Variants in MESD observed in about 807,000 individuals in gnomAD.
MESD encodes the protein LRP chaperone MESD.
In MESD, 7 loss-of-function variants were observed where a neutral mutation model predicts 12.9. The ratio of observed to expected loss-of-function variants is 0.54; its 90% CI spans 0.31 to 1.02. MESD has a LOEUF of 1.02. Among genes scored for constraint, MESD ranks in the 50% least tolerant of loss-of-function variants. The pLI is 0.05. For synonymous variants in MESD, 126 were observed against 115.6 expected (o/e 1.09, Z -0.58); for missense variants, 342 against 296.7 (o/e 1.15, Z -1.12).
chr15:80,971,939 G>A (rs1249416939), downstream of MESD, among the ~76,000 whole-genome samples: 1 of 144,582 alleles, frequency 6.9e-6, no homozygotes, highest in African/African-American at 2.6e-5. Flanking sequence ...AACAGAGTGA[G>A]ATTCTGTCTC....
chr15:80,981,954 G>A lies in MESD; in HGVS notation c.442C>T (p.Gln148Ter), dbSNP rs1008082002. ...AGCTGGTTGTTGCTGCTTTACCTCT[G>A]GACGTCATAGTTGGCATTGAAAAGG... ...GSLFNANYDV[Q>*]RFIVGSDRAI... Residue 148 changes from glutamine to a stop codon, truncating the protein, a stop_gained, in exon 2 of 3, where the codon CAG becomes TAG. Transcript: ENST00000261758. LOFTEE classifies it high-confidence loss of function. 4.3e-6 allele frequency: 7 copies of A among 1,610,158 alleles called. No individual in the cohort carries two copies. The highest frequency in any genetic ancestry group is 1.3e-5 in the African/African-American group (1 of 74,806).
intron 3 of MESD, among the ~76,000 whole-genome samples, chr15:80,955,616 C>CGTGT (rs536028552): frequency 1.4e-3 from 201 of 144,960 alleles, no homozygotes; most frequent in African/African-American, 2.7e-3. Flanking sequence ...TGTGTTTGTG[C>CGTGT]GTGTGTGTGT....
intron 1 of MESD, among the ~76,000 whole-genome samples, chr15:80,987,663 AT>A (rs1214716157): frequency 6.6e-6 from 1 of 151,918 alleles, no homozygotes; most frequent in African/African-American, 2.4e-5. Context: ...TAATTTTTTT[AT>A]TTTTAGTAGA....
intron 3 of MESD, among the ~76,000 whole-genome samples, chr15:80,959,645 C>A (rs1415784909): frequency 6.6e-6 from 1 of 152,154 alleles, no homozygotes; most frequent in East Asian, 1.9e-4. Flanking sequence ...CCTCTTTCTA[C>A]CATAACATAA....
intron 3 of MESD, among the ~76,000 whole-genome samples, chr15:80,958,828 C>T (rs1902034082): frequency 6.6e-6 from 1 of 152,114 alleles, no homozygotes; most frequent in African/African-American, 2.4e-5. Flanking sequence ...TATGGAATGG[C>T]AATTGTTGAG....
intron 4 of MESD, chr15:80,950,008 T>C (rs779720208): frequency 4.6e-5 from 7 of 151,954 alleles, no homozygotes; most frequent in Non-Finnish European, 1.0e-4. Context: ...CTTTGCTGCT[T>C]ATGAGCACAG....
At chr15:80,987,298 C>A (rs1902757895) in intron 1 of MESD, among the ~76,000 whole-genome samples, 1 of 152,164 alleles carries the variant, frequency 6.6e-6, no homozygotes, top group African/African-American at 2.4e-5. Flanking sequence ...AAAGCACCCA[C>A]AGAGATGGAT....
At chr15:80,952,547 GTTC>G (rs535725777) in intron 3 of MESD, among the ~76,000 whole-genome samples, 221 of 152,202 alleles carry the variant, frequency 1.5e-3, no homozygotes, top group Middle Eastern at 3.4e-3. Context: ...ACCACAGAGA[GTTC>G]TTCTCTTGAT....
rs1473845721 is a variant in MESD at position 80,989,720 on chromosome 15, T to G, written c.72A>C (p.Leu24=). The change falls in exon 1 of 3, where the codon CTA becomes CTC. Residue 24 remains leucine (L), a synonymous_variant. Coordinates refer to ENST00000261758, the MANE Select transcript of MESD (RefSeq NM_015154.3). ...LCASDLLLLL[L]LLPPPGSCAA... is the part of the protein sequence containing the mutation. ...CGCAGGACCCAGGCGGTGGTAGCAG[T>G]AGCAGCAGCAGCAGCAGGTCAGAGG... The G allele has an allele frequency of 1.9e-6, 3 of 1,608,160 alleles. No individual in the cohort carries two copies. The highest frequency in any genetic ancestry group is 1.3e-5 in the African/African-American group (1 of 74,824).
At chr15:80,973,476 T>C (rs959879307), downstream of MESD, among the ~76,000 whole-genome samples, 6 of 152,088 alleles carry the variant, frequency 3.9e-5, no homozygotes, top group African/African-American at 1.4e-4. Flanking sequence ...GAGGTCAAGG[T>C]TGCAGTGAGC....
chr15:80,952,673 T>G (rs1367165021), intron 3 of MESD, among the ~76,000 whole-genome samples: 1 of 152,168 alleles, frequency 6.6e-6, no homozygotes, highest in African/African-American at 2.4e-5. Context: ...TGTGCATCTG[T>G]GTATAGTCAA....
downstream of MESD, chr15:80,946,848 C>T (rs1901576680): frequency 2.7e-6 from 2 of 731,262 alleles, no homozygotes; most frequent in Non-Finnish European, 5.0e-6. Context: ...AATCCCTGGA[C>T]AGGCCTCTGG....
At chr15:80,983,265 A>G (rs1902634694) in intron 1 of MESD, among the ~76,000 whole-genome samples, 1 of 152,000 alleles carries the variant, frequency 6.6e-6, no homozygotes, top group African/African-American at 2.4e-5. Context: ...AAAAAAGAAA[A>G]GAAATACTCC....
chr15:80,987,689 A>G (rs1902771854), intron 1 of MESD, among the ~76,000 whole-genome samples: 1 of 152,118 alleles, frequency 6.6e-6, no homozygotes, highest in South Asian at 2.1e-4. Flanking sequence ...GAGTTTCACC[A>G]TGTTGGCCAG....
Position 80,982,094 on chromosome 15 carries a change from G to A in MESD, c.302C>T (p.Pro101Leu), listed in dbSNP as rs1902596347. The A allele has an allele frequency of 1.2e-6, 2 of 1,613,932 alleles. No homozygotes were observed. The highest frequency in any genetic ancestry group is 1.7e-5 in the Admixed American group (1 of 59,982). ...TTTCGTCATTTTCAATATGCTTTCA[G>A]GCTTGCTTGGGTCTATCTTTGAGAA... Reference protein sequence around the residue: ...VDFSKIDPSKPESILKMTKKG... With the variant: ...VDFSKIDPSKLESILKMTKKG... The change falls in exon 2 of 3, where the codon CCT (proline) becomes CTT (leucine). Residue 101 changes from proline to leucine, a missense_variant. Coordinates refer to ENST00000261758, the MANE Select transcript of MESD (RefSeq NM_015154.3).
chr15:80,980,254 C>T (rs1349471572), intron 2 of MESD, among the ~76,000 whole-genome samples: 2 of 152,090 alleles, frequency 1.3e-5, no homozygotes, highest in African/African-American at 4.8e-5. Context: ...TTTTGCTGGC[C>T]GGACACTCTC....
At position 80,979,196 on chromosome 15, in the gene MESD, C is replaced by T. The variant is rs542215326; in HGVS notation, c.*23G>A. 1.9e-6 allele frequency: 3 copies of T among 1,603,990 alleles called. No homozygotes were observed. The highest frequency in any genetic ancestry group is 4.5e-5 in the East Asian group (2 of 44,848). On this transcript the variant is annotated 3_prime_UTR_variant, in exon 3 of 3. Transcript: ENST00000261758. ...AGCTCTCCACGTCCACCTGTCCCCC[C>T]ACAGCGCGTCACTGCTGCCCCATCA...
chr15:80,948,919 T>C, intron 4 of MESD: 1 of 1,614,124 alleles, frequency 6.2e-7, no homozygotes, highest in Non-Finnish European at 8.5e-7. Flanking sequence ...GAAGAAGAAG[T>C]TGTGAGGACA....
chr15:80,961,062 T>A (rs1902076428), intron 3 of MESD, among the ~76,000 whole-genome samples: 1 of 152,132 alleles, frequency 6.6e-6, no homozygotes, highest in South Asian at 2.1e-4. Flanking sequence ...AATTGCCCTC[T>A]CTCTCAGTAT....
Sources: gnomAD v4.1 joint callset for allele counts (sites outside exome capture counted in the v4.1 genomes callset) on GRCh38, gnomAD v4.1.1 for gene constraint, MANE v1.5 for transcripts, NCBI Gene and HGNC (gene_info 2026-07-23, HGNC 2026-07-21) for gene names.